Variants in SORCS1 observed in about 807,000 individuals in gnomAD.
The protein encoded by SORCS1 is sortilin related VPS10 domain containing receptor 1.
A neutral mutation model predicts 146.1 loss-of-function variants in SORCS1; 60 were observed. That is an observed-to-expected ratio of 0.41 (90% CI 0.33 to 0.51). The LOEUF is 0.51. Among genes scored for constraint, SORCS1 ranks in the 20% least tolerant of loss-of-function variants. SORCS1 has a pLI of 0.21. For synonymous variants in SORCS1, 637 were observed against 584.0 expected (o/e 1.09, Z -1.31); for missense variants, 1,352 against 1,487.6 (o/e 0.91, Z 1.50).
intron 6 of SORCS1, among the ~76,000 whole-genome samples, chr10:106,710,251 A>T (rs1038599041): frequency 6.6e-6 from 1 of 152,132 alleles, no homozygotes; most frequent in African/African-American, 2.4e-5. Context: ...GTTCACAACC[A>T]GCCTGGCCAA....
In SORCS1 at chr10:106,864,252, G is replaced by C. The variant is rs567145433; in HGVS notation, c.627-34579C>G. On this transcript the variant is annotated intron_variant, in intron 2 of 25. Coordinates refer to ENST00000263054, the MANE Select transcript of SORCS1 (RefSeq NM_052918.5). ...AGAACAACTCAGTCCACGGAGAACA[G>C]AGAAAAGCAAGGCAGAATGACGGTC... Among the ~76,000 whole-genome samples, 5 of 152,312 alleles carry C rather than the reference G, an allele frequency of 3.3e-5. No individual in the cohort carries two copies. The South Asian group carries it at 1.0e-3, about 32-fold the overall frequency.
At chr10:106,829,417 T>C (rs934377410) in intron 3 of SORCS1, among the ~76,000 whole-genome samples, 157 bp downstream of exon 3, 1 of 152,204 alleles carries the variant, frequency 6.6e-6, no homozygotes, top group African/African-American at 2.4e-5. Context: ...AAAATTATGA[T>C]GTGTCAGACA....
At chr10:106,658,142 T>C (rs1209736710) in intron 17 of SORCS1, among the ~76,000 whole-genome samples, 1 of 152,092 alleles carries the variant, frequency 6.6e-6, no homozygotes, top group African/African-American at 2.4e-5. Flanking sequence ...AGAGTAAAGT[T>C]CAGGTTTAAA....
intron 1 of SORCS1, among the ~76,000 whole-genome samples, chr10:106,981,192 T>C (rs913749164): frequency 3.3e-5 from 5 of 152,104 alleles, no homozygotes; most frequent in Non-Finnish European, 7.4e-5. Flanking sequence ...AATAAATAAA[T>C]ACAACAGGAA....
chr10:106,813,720 G>A (rs995794926), intron 3 of SORCS1, among the ~76,000 whole-genome samples: 1 of 152,056 alleles, frequency 6.6e-6, no homozygotes, highest in African/African-American at 2.4e-5. Context: ...GGATCACTTG[G>A]GCCCAGGAGT....
At chr10:106,664,828 A>G (rs1193690931) in intron 17 of SORCS1, among the ~76,000 whole-genome samples, 1 of 152,182 alleles carries the variant, frequency 6.6e-6, no homozygotes, top group East Asian at 1.9e-4. Context: ...GTTAAAAAAA[A>G]AAATCAATTC....
At chr10:107,113,040 CA>C (rs916235583) in intron 1 of SORCS1, among the ~76,000 whole-genome samples, 105 of 152,230 alleles carry the variant, frequency 6.9e-4, no homozygotes, top group African/African-American at 2.4e-3. Flanking sequence ...TTCCATCCAA[CA>C]GCAACAACTA....
chr10:107,116,318 T>C (rs1196684962), intron 1 of SORCS1, among the ~76,000 whole-genome samples: 1 of 152,150 alleles, frequency 6.6e-6, no homozygotes, highest in African/African-American at 2.4e-5. Flanking sequence ...AATCTCCATA[T>C]TCATTGCAGC....
intron 3 of SORCS1, among the ~76,000 whole-genome samples, chr10:106,777,415 T>C (rs895700514): frequency 6.6e-6 from 1 of 152,214 alleles, no homozygotes; most frequent in Non-Finnish European, 1.5e-5. Flanking sequence ...AGGTCCAGTA[T>C]GCATGGTACA....
chr10:106,584,422 TG>T lies in SORCS1; in HGVS notation c.3266-4949del, dbSNP rs1299485041. 9.2e-5 allele frequency among the ~76,000 whole-genome samples: 14 copies of T among 152,332 alleles called. No homozygotes were observed. The East Asian group carries it at 2.7e-3, about 29-fold the overall frequency. On this transcript the variant is annotated intron_variant, in intron 24 of 25. Coordinates refer to ENST00000263054, the MANE Select transcript of SORCS1 (RefSeq NM_052918.5). ...TTAGACTGAGGCAGCTCTGGCGTCC[TG>T]GGTTCCTATGTAACCAAACCAAAAC...
intron 1 of SORCS1, among the ~76,000 whole-genome samples, chr10:107,163,293 C>G (rs1266194530): frequency 6.6e-6 from 1 of 152,180 alleles, no homozygotes; most frequent in East Asian, 1.9e-4. Flanking sequence ...CTGGGACTGA[C>G]CATGCCAGAG....
intron 1 of SORCS1, among the ~76,000 whole-genome samples, chr10:107,039,194 G>A (rs1362544461): frequency 6.6e-6 from 1 of 151,628 alleles, no homozygotes; most frequent in Non-Finnish European, 1.5e-5. Context: ...CGGGCGTAGT[G>A]GCGGGCGCCT....
intron 1 of SORCS1, among the ~76,000 whole-genome samples, chr10:107,086,778 C>T (rs1963794399): frequency 6.6e-6 from 1 of 152,148 alleles, no homozygotes; most frequent in African/African-American, 2.4e-5. Context: ...GCCTGTAATC[C>T]CAGCACTTTG....
chr10:106,905,084 A>C, intron 2 of SORCS1, among the ~76,000 whole-genome samples: 1 of 152,234 alleles, frequency 6.6e-6, no homozygotes, highest in East Asian at 1.9e-4. Context: ...TAATTGAAGA[A>C]AGTAGAAAAA....
At chr10:106,613,917 C>G (rs1189217794) in intron 21 of SORCS1, among the ~76,000 whole-genome samples, 1 of 152,090 alleles carries the variant, frequency 6.6e-6, no homozygotes, top group African/African-American at 2.4e-5. Flanking sequence ...AGCAAACTCC[C>G]CTCTCATCAT....
chr10:106,867,050 T>C (rs1391062046), intron 2 of SORCS1, among the ~76,000 whole-genome samples: 1 of 152,060 alleles, frequency 6.6e-6, no homozygotes, highest in East Asian at 1.9e-4. Context: ...CCAACTTTGC[T>C]AGAGAGGCCA....
chr10:106,997,727 C>A (rs966950051), intron 1 of SORCS1, among the ~76,000 whole-genome samples: 1 of 152,108 alleles, frequency 6.6e-6, no homozygotes. Flanking sequence ...TATAACCTGG[C>A]CATTTTGCAG....
At chr10:106,982,911 C>T (rs544677327) in intron 1 of SORCS1, among the ~76,000 whole-genome samples, 1 of 151,916 alleles carries the variant, frequency 6.6e-6, no homozygotes, top group Non-Finnish European at 1.5e-5. Flanking sequence ...CTATTGAGAG[C>T]TTTTTGATAC....
intron 3 of SORCS1, among the ~76,000 whole-genome samples, chr10:106,827,436 C>T (rs1380318715): frequency 6.6e-6 from 1 of 152,120 alleles, no homozygotes; most frequent in Non-Finnish European, 1.5e-5. Context: ...AATTACAAAA[C>T]GTCATGCCAC....
Sources: allele counts gnomAD v4.1 joint callset (sites outside exome capture counted in the v4.1 genomes callset), GRCh38; gene constraint gnomAD v4.1.1; transcripts MANE v1.5; gene names NCBI Gene and HGNC (gene_info 2026-07-23, HGNC 2026-07-21).